The following BASP1 variants were observed in gnomAD, a reference collection of about 807,000 sequenced individuals.
BASP1 encodes the protein brain abundant membrane attached signal protein 1, also known as brain acid soluble protein 1.
A neutral mutation model predicts 2.2 loss-of-function variants in BASP1; 1 was observed. The ratio of observed to expected loss-of-function variants is 0.46; its 90% CI spans 0.16 to 2.17. The LOEUF is 2.17. BASP1 is among the 30% of genes most tolerant of loss of function. BASP1 has a pLI of 0.27. For missense variants in BASP1, 352 were observed against 327.2 expected (o/e 1.08, Z -0.58); for synonymous variants, 187 against 154.2 (o/e 1.21, Z -1.58).
In BASP1 at chr5:17,226,301, T is replaced by A. The variant is rs537590653; in HGVS notation, c.-10+8491T>A. Among the ~76,000 whole-genome samples the A allele has an allele frequency of 1.6e-4, 24 of 152,352 alleles. No homozygotes were observed. The South Asian group carries it at 3.5e-3, about 22-fold the overall frequency. ...CTTCTTTTTTAAGTTTATGAAGAAATAGCTGTTAGATAAAAACTTTTCCTG... is the reference window on the plus strand; with the variant it reads ...CTTCTTTTTTAAGTTTATGAAGAAAAAGCTGTTAGATAAAAACTTTTCCTG... On this transcript the variant is annotated intron_variant, in intron 1 of 1. Transcript: ENST00000322611.
intron 1 of BASP1, among the ~76,000 whole-genome samples, chr5:17,262,516 G>C (rs1022481149): frequency 6.6e-6 from 1 of 152,112 alleles, no homozygotes; most frequent in Non-Finnish European, 1.5e-5. Flanking sequence ...TTCCTCCCTC[G>C]TAGAACTGAT....
chr5:17,248,910 A>G (rs1453945319), intron 1 of BASP1, among the ~76,000 whole-genome samples: 1 of 152,118 alleles, frequency 6.6e-6, no homozygotes, highest in Non-Finnish European at 1.5e-5. Context: ...GGGCTGTAGC[A>G]TCCTTTAAGT....
chr5:17,272,071 G>GAA (rs778258451), intron 1 of BASP1, among the ~76,000 whole-genome samples: 15 of 60,248 alleles, frequency 2.5e-4, no homozygotes, highest in East Asian at 1.7e-3. Context: ...TGCATTTCAA[G>GAA]AAAAAAAAAA....
intron 1 of BASP1, among the ~76,000 whole-genome samples, chr5:17,219,754 G>A (rs565458754): frequency 6.6e-6 from 1 of 152,248 alleles, no homozygotes; most frequent in South Asian, 2.1e-4. Flanking sequence ...TTACCTTGTC[G>A]GGATCCTAAC....
At chr5:17,263,458 A>C (rs1206593563) in intron 1 of BASP1, among the ~76,000 whole-genome samples, 1 of 152,176 alleles carries the variant, frequency 6.6e-6, no homozygotes, top group Non-Finnish European at 1.5e-5. Context: ...TTTGAATAAA[A>C]TGTGGTAAGA....
At chr5:17,232,474 A>G (rs1179142267) in intron 1 of BASP1, among the ~76,000 whole-genome samples, 2 of 152,192 alleles carry the variant, frequency 1.3e-5, no homozygotes, top group African/African-American at 4.8e-5. Flanking sequence ...CGCTGTGACT[A>G]CTTACTCTGC....
At chr5:17,255,899 C>T (rs1376009045) in intron 1 of BASP1, among the ~76,000 whole-genome samples, 1 of 152,156 alleles carries the variant, frequency 6.6e-6, no homozygotes, top group Non-Finnish European at 1.5e-5. Context: ...TTAGCAACGT[C>T]CTGCACACCA....
In BASP1 at chr5:17,224,459, A is replaced by G. The variant is rs548274139; in HGVS notation, c.-10+6649A>G. ...GGTAATATGGACTCTTCAGGGGGGG[A>G]AAAAAGGGGAAGGGGGGCTCTTGAA... On this transcript the variant is annotated intron_variant, in intron 1 of 1. Coordinates refer to ENST00000322611, the MANE Select transcript of BASP1 (RefSeq NM_006317.5). 7.0e-4 allele frequency among the ~76,000 whole-genome samples: 87 copies of G among 124,050 alleles called. 4 individuals carry two copies. The East Asian group carries it at 0.018, about 26-fold the overall frequency. 81.4% of individuals were successfully genotyped at this position (124,050 alleles called of 152,430 possible).
At chr5:17,226,933 T>C (rs1212319787) in intron 1 of BASP1, among the ~76,000 whole-genome samples, 1 of 11,674 alleles carries the variant, frequency 8.6e-5, no homozygotes, top group Non-Finnish European at 2.2e-4. Flanking sequence ...TCATTTTTCT[T>C]TTTTTTTTTT....
intron 1 of BASP1, among the ~76,000 whole-genome samples, chr5:17,255,960 G>C (rs298585): frequency 0.029 from 4,426 of 152,216 alleles, 200 homozygotes; most frequent in African/African-American, 0.096. Flanking sequence ...AGGAGGCATG[G>C]GCTGAGTGTG....
At chr5:17,242,611 C>G (rs967866619) in intron 1 of BASP1, among the ~76,000 whole-genome samples, 8 of 152,062 alleles carry the variant, frequency 5.3e-5, no homozygotes, top group Non-Finnish European at 1.2e-4. Flanking sequence ...AATTTTATCT[C>G]TTTATAAATG....
chr5:17,271,472 G>A (rs1012696807), intron 1 of BASP1, among the ~76,000 whole-genome samples: 1 of 152,150 alleles, frequency 6.6e-6, no homozygotes, highest in Non-Finnish European at 1.5e-5. Flanking sequence ...CATAACAGAG[G>A]TCAGTTTTAG....
intron 1 of BASP1, among the ~76,000 whole-genome samples, chr5:17,237,170 C>A (rs1223540231): frequency 6.6e-6 from 1 of 152,082 alleles, no homozygotes; most frequent in Non-Finnish European, 1.5e-5. Context: ...ACGTGAAAAC[C>A]TGTCTCTACT....
chr5:17,231,888 T>C (rs1018047698), intron 1 of BASP1, among the ~76,000 whole-genome samples: 5 of 152,214 alleles, frequency 3.3e-5, no homozygotes, highest in African/African-American at 4.8e-5. Context: ...GAAGGTTGTC[T>C]ACAGTACATT....
chr5:17,233,253 C>G (rs1351292966), intron 1 of BASP1, among the ~76,000 whole-genome samples: 1 of 152,184 alleles, frequency 6.6e-6, no homozygotes, highest in Non-Finnish European at 1.5e-5. Flanking sequence ...TATTCTCATA[C>G]CATCTCTATA....
chr5:17,217,607 G>T, upstream of BASP1: 1 of 155,208 alleles, frequency 6.4e-6, no homozygotes, highest in Non-Finnish European at 1.4e-5. Flanking sequence ...GAAATGCAGA[G>T]GCTGCAGCGG....
intron 1 of BASP1, among the ~76,000 whole-genome samples, chr5:17,264,129 A>G (rs1460293758): frequency 1.3e-5 from 2 of 152,250 alleles, no homozygotes; most frequent in African/African-American, 4.8e-5. Flanking sequence ...TTTAGAATAA[A>G]AATTTTGACC....
At chr5:17,266,814 C>CAA (rs70943882) in intron 1 of BASP1, among the ~76,000 whole-genome samples, 6,882 of 110,498 alleles carry the variant, frequency 0.062, 429 homozygotes, top group African/African-American at 0.12. Context: ...GATCCTGTCT[C>CAA]AAAAAAAAAA....
chr5:17,235,048 A>G (rs978036727), intron 1 of BASP1, among the ~76,000 whole-genome samples: 1 of 152,214 alleles, frequency 6.6e-6, no homozygotes, highest in Non-Finnish European at 1.5e-5. Context: ...GGGGATTAGA[A>G]ACTGAAGGAA....
Sources: allele counts gnomAD v4.1 joint callset (sites outside exome capture counted in the v4.1 genomes callset), GRCh38; gene constraint gnomAD v4.1.1; transcripts MANE v1.5; gene names NCBI Gene and HGNC (gene_info 2026-07-23, HGNC 2026-07-21).